GFRA1: variants seen among roughly 807,000 people sequenced by gnomAD.
GFRA1 encodes the protein GDNF family receptor alpha 1.
Under a neutral mutation model 51.6 loss-of-function variants are expected in GFRA1, and 16 were observed. The observed-to-expected ratio is 0.31, with a 90% CI of 0.21 to 0.47. The LOEUF is 0.47. GFRA1 is among the 20% of genes least tolerant of loss of function. The pLI is 1.00. For missense variants in GFRA1, 530 were observed against 594.3 expected (o/e 0.89, Z 1.13); for synonymous variants, 270 against 241.3 (o/e 1.12, Z -1.10).
chr10:116,148,248 T>C (rs1958918556), intron 5 of GFRA1, among the ~76,000 whole-genome samples: 1 of 151,946 alleles, frequency 6.6e-6, no homozygotes, highest in Non-Finnish European at 1.5e-5. Context: ...TCAGAGAGAA[T>C]CTAGTCCAAT....
chr10:116,099,650 C>T (rs1259146516), intron 6 of GFRA1, among the ~76,000 whole-genome samples: 2 of 152,194 alleles, frequency 1.3e-5, no homozygotes, highest in Non-Finnish European at 2.9e-5. Context: ...CATGTATTGA[C>T]ACAACAGCTG....
rs558396780 is a variant in GFRA1, at chr10:116,178,523, C to T, written c.433+33108G>A. Among the ~76,000 whole-genome samples, 33 of 152,320 alleles carry T rather than the reference C, an allele frequency of 2.2e-4. 1 individual carries two copies. The South Asian group carries it at 6.4e-3, about 30-fold the overall frequency. ...GAATGTAGCAGTTTAGGGATGCAAT[C>T]TATGCTTTCAAAATTGGGTGCAGAA... On this transcript the variant is annotated intron_variant, in intron 5 of 10. Coordinates refer to ENST00000355422, the MANE Select transcript of GFRA1 (RefSeq NM_005264.8).
chr10:116,254,678 T>C (rs966984398), intron 4 of GFRA1, among the ~76,000 whole-genome samples: 3 of 152,176 alleles, frequency 2.0e-5, no homozygotes, highest in Non-Finnish European at 4.4e-5. Flanking sequence ...TCCCAAAAAA[T>C]GCTCCTGGGA....
intron 9 of GFRA1, among the ~76,000 whole-genome samples, chr10:116,068,287 G>C (rs1955211419): frequency 6.6e-6 from 1 of 152,242 alleles, no homozygotes; most frequent in Non-Finnish European, 1.5e-5. Flanking sequence ...GCTCGGGAAA[G>C]CCCTACAGCA....
At chr10:116,270,694 CAAGGAAAG>C in intron 3 of GFRA1, 120 bp downstream of exon 3, 1 of 752,704 alleles carries the variant, frequency 1.3e-6, no homozygotes, top group South Asian at 1.7e-5. Context: ...CCCTGGGGGC[CAAGGAAAG>C]GTCCTCACTC....
At chr10:116,090,432 T>TTAA (rs755378684) in intron 8 of GFRA1, among the ~76,000 whole-genome samples, 1 of 121,180 alleles carries the variant, frequency 8.3e-6, no homozygotes, top group Non-Finnish European at 1.7e-5. Flanking sequence ...CCAGTTTCTT[T>TTAA]AAAAAAAAAA....
intron 5 of GFRA1, among the ~76,000 whole-genome samples, chr10:116,177,547 T>C (rs1361981645): frequency 3.3e-5 from 5 of 152,030 alleles, no homozygotes; most frequent in African/African-American, 1.2e-4. Flanking sequence ...GCTGTTGTCA[T>C]AACACAGGTG....
At chr10:116,093,964 G>T in intron 7 of GFRA1, 128 bp from the exon 8 acceptor site, 1 of 866,316 alleles carries the variant, frequency 1.2e-6, no homozygotes, top group Non-Finnish European at 1.9e-6. Flanking sequence ...TTGCTGAGTG[G>T]GAAATTATGT....
chr10:116,151,395 C>T (rs1378410153), intron 5 of GFRA1, among the ~76,000 whole-genome samples: 2 of 152,104 alleles, frequency 1.3e-5, no homozygotes, highest in African/African-American at 4.8e-5. Context: ...ATGTCAGTAA[C>T]CCCCACACCT....
At chr10:116,150,577 C>T (rs1265592279) in intron 5 of GFRA1, among the ~76,000 whole-genome samples, 5 of 152,172 alleles carry the variant, frequency 3.3e-5, no homozygotes, top group Non-Finnish European at 5.9e-5. Flanking sequence ...GTGGCTGCAG[C>T]GTTTACCCTG....
chr10:116,089,891 G>A lies in GFRA1; in HGVS notation c.1047C>T (p.Ser349=), dbSNP rs145404517. The stretch of plus-strand genomic sequence containing the variant: ...AGGCTGGCTGCCACACGGTCACATC[G>A]GAGCCATTGCCAAAGGCTTGAATTG... ...KNAIQAFGNG[S]DVTVWQPAFP... Residue 349 remains serine (S), a synonymous_variant, in exon 9 of 11, where the codon TCC becomes TCT. Transcript: ENST00000355422. 211 of 1,613,896 alleles carry A rather than the reference G, an allele frequency of 1.3e-4. 1 individual carries two copies. In the East Asian group the frequency reaches 3.0e-3, roughly 23 times the overall value.
chr10:116,119,458 T>C (rs1358506528), intron 6 of GFRA1, among the ~76,000 whole-genome samples: 1 of 152,228 alleles, frequency 6.6e-6, no homozygotes, highest in African/African-American at 2.4e-5. Flanking sequence ...TATTTTCTCA[T>C]ATTCTAGAAA....
rs1263837799 is a variant in GFRA1, at chr10:116,060,651, G to A, written c.*3747C>T. 3 of 152,158 alleles carry A rather than the reference G, an allele frequency of 2.0e-5. No individual in the cohort carries two copies. The highest frequency in any genetic ancestry group is 6.5e-5 in the Admixed American group (1 of 15,282). The allele number at this position is 152,158 out of a possible 1,614,324, so 9.4% of individuals were successfully genotyped here. ...TTCTTGAAAAGATGGGTGTCACATAGTCTGATGTGCTTTATCAAAGAACAG... is the reference window on the plus strand; with the variant it reads ...TTCTTGAAAAGATGGGTGTCACATAATCTGATGTGCTTTATCAAAGAACAG... On this transcript the variant is annotated 3_prime_UTR_variant, in exon 11 of 11. Transcript: ENST00000355422.
chr10:116,146,702 A>G (rs1958815383), intron 5 of GFRA1, among the ~76,000 whole-genome samples: 1 of 152,210 alleles, frequency 6.6e-6, no homozygotes. Context: ...AGCCAAATGT[A>G]TCCCCAAAAT....
At chr10:116,187,135 A>G (rs1962798162) in intron 5 of GFRA1, among the ~76,000 whole-genome samples, 1 of 152,250 alleles carries the variant, frequency 6.6e-6, no homozygotes, top group South Asian at 2.1e-4. Flanking sequence ...AAGGCAACAA[A>G]GTAGAAAAAA....
At chr10:116,119,661 G>GT (rs1232182118) in intron 6 of GFRA1, among the ~76,000 whole-genome samples, 1 of 152,232 alleles carries the variant, frequency 6.6e-6, no homozygotes. Flanking sequence ...GTGGGATCCA[G>GT]TTTTTGACTC....
chr10:116,139,534 G>A (rs1052882378), intron 5 of GFRA1, among the ~76,000 whole-genome samples: 2 of 152,240 alleles, frequency 1.3e-5, no homozygotes, highest in Admixed American at 1.3e-4. Context: ...GTGTGAGGCT[G>A]AAGCTGAATG....
intron 4 of GFRA1, among the ~76,000 whole-genome samples, chr10:116,251,319 G>C (rs1968338876): frequency 6.6e-6 from 1 of 152,198 alleles, no homozygotes; most frequent in African/African-American, 2.4e-5. Context: ...GCTCCGAAGA[G>C]CACATGGCAG....
intron 5 of GFRA1, among the ~76,000 whole-genome samples, chr10:116,184,670 C>T (rs1021278369): frequency 3.3e-5 from 5 of 152,226 alleles, no homozygotes; most frequent in African/African-American, 4.8e-5. Flanking sequence ...TAACATGTCT[C>T]ATCAGAGGGT....
Sources: gnomAD v4.1 joint callset for allele counts (sites outside exome capture counted in the v4.1 genomes callset) on GRCh38, gnomAD v4.1.1 for gene constraint, MANE v1.5 for transcripts, NCBI Gene and HGNC (gene_info 2026-07-23, HGNC 2026-07-21) for gene names.